AKT1: variants seen among roughly 807,000 people sequenced by gnomAD.
The protein encoded by AKT1 is RAC-alpha serine/threonine-protein kinase.
AKT1 carries 21 observed loss-of-function variants against 63.1 expected under a neutral mutation model. The observed-to-expected ratio is 0.33, with a 90% CI of 0.24 to 0.48. AKT1 has a LOEUF of 0.48. AKT1 is among the 20% of genes least tolerant of loss of function. The probability of loss-of-function intolerance (pLI) is 0.99; values close to 1 mark genes in which losing one functional copy is unlikely to be tolerated. For missense variants in AKT1, 382 were observed against 666.0 expected, an observed-to-expected ratio of 0.57 and a Z score of 4.69; for synonymous variants, 257 against 253.1, an observed-to-expected ratio of 1.02 and a Z score of -0.15.
chr14:104,771,315 G>A (rs1359346897), intron 13 of AKT1: 2 of 251,012 alleles, frequency 8.0e-6, no homozygotes, highest in East Asian at 5.8e-5. Context: ...GCATCTGGCT[G>A]CAGACAGGAC....
intron 5 of AKT1, chr14:104,776,166 G>A (rs980914135): frequency 8.6e-6 from 2 of 232,050 alleles, no homozygotes; most frequent in Non-Finnish European, 1.7e-5. Flanking sequence ...TTCTTTTTTT[G>A]AGACGGAGTC....
chr14:104,772,338 G>A (rs368044983), intron 13 of AKT1, 27 bp downstream of exon 13: 103 of 1,611,874 alleles, frequency 6.4e-5, no homozygotes, highest in African/African-American at 5.6e-4. Flanking sequence ...GCATGCGTGC[G>A]CGTGAATATG....
rs762981122 is a variant in AKT1, at chr14:104,772,347, T to C, written c.1260+18A>G. ...TGGGGAGCATGCGTGCGCGTGAATA[T>C]GCGGGGAGCAGCCGCACCTTCTTCT... On this transcript the variant is annotated intron_variant, in intron 13 of 14. Coordinates refer to ENST00000649815, the MANE Select transcript of AKT1 (RefSeq NM_001382430.1). The C allele has an allele frequency of 1.2e-6, 2 of 1,613,430 alleles. No homozygotes were observed. Among genetic ancestry groups the C allele is most frequent in the Admixed American group, 1.7e-5 (1 of 60,006 alleles).
chr14:104,791,962 A>G lies in AKT1; in HGVS notation c.46+636T>C, dbSNP rs61758460. 8.0e-3 allele frequency among the ~76,000 whole-genome samples: 1,225 copies of G among 152,318 alleles called. 3 individuals are homozygous for G. The highest frequency in any genetic ancestry group is 0.012 in the Non-Finnish European group (804 of 68,014). ...GAGCAACGGAGGGTGGGTGAGGCAG[A>G]AGGGCCTGCACAGGGTTGGAAGGGG... On this transcript the variant is annotated intron_variant, in intron 3 of 14. Coordinates refer to ENST00000649815, the MANE Select transcript of AKT1 (RefSeq NM_001382430.1).
intron 1 of AKT1, among the ~76,000 whole-genome samples, chr14:104,794,823 G>A (rs1418251510): frequency 6.6e-6 from 1 of 152,212 alleles, no homozygotes; most frequent in South Asian, 2.1e-4. Flanking sequence ...AGGCCGTCCC[G>A]ACAGGACCAA....
Position 104,769,664 on chromosome 14 carries a change from C to A in AKT1, c.*677G>T. ...AGGGGAAGGGGGAGGGCTTTCCTGT[C>A]ACAAAGATTAAAAACCCCCAAAATG... is the stretch of plus-strand genomic sequence containing the variant. On this transcript the variant is annotated 3_prime_UTR_variant, in exon 15 of 15. Transcript: ENST00000649815. The A allele has an allele frequency of 2.1e-6, 1 of 476,616 alleles. No individual in the cohort carries two copies. 29.5% of individuals were successfully genotyped at this position (476,616 alleles called of 1,614,324 possible). A position where few individuals can be genotyped will look rare whatever the true frequency, so the allele number is the denominator to read the frequency against.
intron 3 of AKT1, among the ~76,000 whole-genome samples, chr14:104,782,644 G>A (rs1304317775): frequency 6.6e-6 from 1 of 152,174 alleles, no homozygotes; most frequent in East Asian, 1.9e-4. Flanking sequence ...ATGGGCCCTG[G>A]GCTTTCAGTG....
At chr14:104,784,033 G>GGGAA (rs5811153) in intron 3 of AKT1, among the ~76,000 whole-genome samples, 26,419 of 152,068 alleles carry the variant, frequency 0.17, 3,577 homozygotes, top group East Asian at 0.66. Context: ...CTGGGCAAGG[G>GGGAA]GGAAGCAGCA....
At chr14:104,787,636 G>C (rs1281199085) in intron 3 of AKT1, among the ~76,000 whole-genome samples, 2 of 152,248 alleles carry the variant, frequency 1.3e-5, no homozygotes. Flanking sequence ...CTTCTCCTGA[G>C]AGTGGAAGGT....
chr14:104,781,416 C>T (rs568458196), intron 3 of AKT1, among the ~76,000 whole-genome samples: 74 of 152,290 alleles, frequency 4.9e-4, no homozygotes, highest in South Asian at 8.3e-4. Context: ...AGCCCAGACG[C>T]GTCCAGCCCT....
chr14:104,773,538 G>T lies in AKT1; in HGVS notation c.745C>A (p.Arg249=), dbSNP rs1458420660. ...LSRERVFSED[R]ARFYGAEIVS... is the part of the protein sequence containing the mutation. ...ATCTCAGCGCCATAGAAGCGGGCCC[G>T]GTCCTCGGAGAACACACGCTCCCGG... The change falls in exon 10 of 15, where the codon CGG becomes AGG. Residue 249 remains arginine, a synonymous_variant. Transcript: ENST00000649815. 5 of 1,611,580 alleles carry T rather than the reference G, an allele frequency of 3.1e-6. No homozygotes were observed. Among genetic ancestry groups the T allele is most frequent in the Non-Finnish European group, 4.2e-6 (5 of 1,179,020 alleles).
At chr14:104,775,319 G>T in intron 6 of AKT1, 112 bp from the exon 7 acceptor site, 2 of 1,542,614 alleles carry the variant, frequency 1.3e-6, no homozygotes, top group South Asian at 2.4e-5. Flanking sequence ...CAGGAGAGGC[G>T]TCCACTTCAC....
At chr14:104,779,621 A>T (rs1892917010) in intron 4 of AKT1, among the ~76,000 whole-genome samples, 1 of 151,810 alleles carries the variant, frequency 6.6e-6, no homozygotes, top group South Asian at 2.1e-4. Flanking sequence ...CTCGGCCCAG[A>T]GACCCCCGCC....
Position 104,783,962 on chromosome 14 carries a change from G to A in AKT1, c.47-3746C>T, listed in dbSNP as rs551828444. On this transcript the variant is annotated intron_variant, in intron 3 of 14. Coordinates refer to ENST00000649815, the MANE Select transcript of AKT1 (RefSeq NM_001382430.1). ...CACCACTGCCAGAAGACCTGAGTGGGGGGCCGAGTGGAGGACGGCACTGGG... is the reference window on the plus strand; with the variant it reads ...CACCACTGCCAGAAGACCTGAGTGGAGGGCCGAGTGGAGGACGGCACTGGG... Among the ~76,000 whole-genome samples the A allele has an allele frequency of 2.0e-5, 3 of 152,342 alleles. No homozygotes were observed. In the East Asian group the frequency reaches 5.8e-4, roughly 29 times the overall value.
intron 3 of AKT1, among the ~76,000 whole-genome samples, chr14:104,787,739 C>T (rs1397018387): frequency 6.6e-6 from 1 of 152,234 alleles, no homozygotes; most frequent in East Asian, 1.9e-4. Flanking sequence ...GTCCAGCCCC[C>T]CACAGGGCAT....
At chr14:104,787,450 G>A (rs1893392436) in intron 3 of AKT1, among the ~76,000 whole-genome samples, 1 of 152,192 alleles carries the variant, frequency 6.6e-6, no homozygotes, top group African/African-American at 2.4e-5. Context: ...AGCAGGCCCA[G>A]AGCCACAGCC....
rs1004006561 is a variant in AKT1, at chr14:104,780,331, A to C, written c.47-115T>G. 4 of 1,415,042 alleles carry C rather than the reference A, an allele frequency of 2.8e-6. No homozygotes were observed. In the African/African-American group the frequency reaches 4.3e-5, roughly 15 times the overall value. 87.7% of individuals were successfully genotyped at this position (1,415,042 alleles called of 1,614,324 possible). A position where few individuals can be genotyped will look rare whatever the true frequency, so the allele number is the denominator to read the frequency against. ...GATGTGCCTGGGATGCCTGAGTCCCAGGGGGCAGGCGCGGTACGGGAGCTG... is the reference window on the plus strand; with the variant it reads ...GATGTGCCTGGGATGCCTGAGTCCCCGGGGGCAGGCGCGGTACGGGAGCTG... On this transcript the variant is annotated intron_variant, in intron 3 of 14. Coordinates refer to ENST00000649815, the MANE Select transcript of AKT1 (RefSeq NM_001382430.1).
rs377254104 is a variant in AKT1, at chr14:104,777,320, C to G, written c.176-550G>C. The G allele has an allele frequency of 5.0e-3, 759 of 153,234 alleles. 3 individuals are homozygous for G. The highest frequency in any genetic ancestry group is 4.9e-3 in the Non-Finnish European group (402 of 81,986). The allele number at this position is 153,234 out of a possible 1,614,324, so 9.5% of individuals were successfully genotyped here. A position where few individuals can be genotyped will look rare whatever the true frequency, so the allele number is the denominator to read the frequency against. ...GGGCACAGGCACACCTGGGGCACAG[C>G]CACACCTGGGGCACACATACATCTG... On this transcript the variant is annotated intron_variant, in intron 4 of 14. Transcript: ENST00000649815.
chr14:104,773,621 C>A, intron 9 of AKT1, 41 bp from the exon 10 acceptor site: 1 of 1,577,222 alleles, frequency 6.3e-7, no homozygotes, highest in East Asian at 2.3e-5. Context: ...TGGCTCGGGC[C>A]TCTGCCCCCA....
Sources: allele counts gnomAD v4.1 joint callset (sites outside exome capture counted in the v4.1 genomes callset), GRCh38; gene constraint gnomAD v4.1.1; transcripts MANE v1.5; gene names NCBI Gene and HGNC (gene_info 2026-07-23, HGNC 2026-07-21).